MRPL48: variants seen among roughly 807,000 people sequenced by gnomAD.
The protein encoded by MRPL48 is mitochondrial ribosomal protein L48.
MRPL48 carries 16 observed loss-of-function variants against 32.9 expected under a neutral mutation model. The ratio of observed to expected loss-of-function variants is 0.49; its 90% confidence interval spans 0.33 to 0.74. The LOEUF (loss-of-function observed/expected upper bound fraction) is 0.74. Ranked by LOEUF, MRPL48 falls within the 30% of genes least tolerant of loss-of-function variation. The pLI is 0.02. For missense variants in MRPL48, 206 were observed against 245.3 expected (o/e 0.84, Z 1.07); for synonymous variants, 94 against 89.2 (o/e 1.05, Z -0.31).
At chr11:73,799,319 C>T (rs1218561311) in intron 1 of MRPL48, among the ~76,000 whole-genome samples, 2 of 151,896 alleles carry the variant, frequency 1.3e-5, no homozygotes, top group Admixed American at 1.3e-4. Context: ...GCCACTTTAC[C>T]CCAGCCTGGG....
intron 4 of MRPL48, among the ~76,000 whole-genome samples, chr11:73,841,717 T>G (rs933359504): frequency 6.6e-5 from 10 of 152,296 alleles, no homozygotes; most frequent in Admixed American, 1.3e-4. Context: ...TTTGTGAAAA[T>G]TCATTGAGGT....
chr11:73,837,998 C>G (rs562953032), intron 4 of MRPL48, among the ~76,000 whole-genome samples: 1 of 152,190 alleles, frequency 6.6e-6, no homozygotes, highest in African/African-American at 2.4e-5. Flanking sequence ...ACTACAGGCA[C>G]CCGCCACCAC....
At chr11:73,832,624 G>C (rs1447925858) in intron 4 of MRPL48, 1 of 159,070 alleles carries the variant, frequency 6.3e-6, no homozygotes, top group African/African-American at 2.4e-5. Flanking sequence ...TAGCCAGCCA[G>C]ATCAGCTGAA....
At chr11:73,845,000 G>T in intron 5 of MRPL48, 24 bp downstream of exon 5, 1 of 1,593,306 alleles carries the variant, frequency 6.3e-7, no homozygotes, top group Non-Finnish European at 8.6e-7. Flanking sequence ...TTTTGTATGG[G>T]ATGTTCTTGG....
chr11:73,794,206 A>T (rs1233841692), intron 1 of MRPL48, among the ~76,000 whole-genome samples: 1 of 150,822 alleles, frequency 6.6e-6, no homozygotes, highest in South Asian at 2.1e-4. Context: ...CTATCTATCT[A>T]TCTATCTATC....
At chr11:73,839,267 G>C (rs1304675719) in intron 4 of MRPL48, among the ~76,000 whole-genome samples, 1 of 152,168 alleles carries the variant, frequency 6.6e-6, no homozygotes, top group African/African-American at 2.4e-5. Context: ...AACCATTCCA[G>C]GTGCTCTGTT....
intron 4 of MRPL48, among the ~76,000 whole-genome samples, chr11:73,828,673 C>T (rs899930504): frequency 5.9e-5 from 9 of 151,530 alleles, no homozygotes; most frequent in East Asian, 1.9e-4. Flanking sequence ...TATTAAAATT[C>T]GGAAGGAATG....
chr11:73,792,317 C>T (rs1200295131), intron 1 of MRPL48, among the ~76,000 whole-genome samples: 3 of 152,128 alleles, frequency 2.0e-5, no homozygotes, highest in Non-Finnish European at 4.4e-5. Context: ...GAGTGTCATG[C>T]TCAGGTCTAG....
chr11:73,813,393 C>T (rs778924653), intron 3 of MRPL48, among the ~76,000 whole-genome samples: 4 of 151,988 alleles, frequency 2.6e-5, no homozygotes, highest in Non-Finnish European at 4.4e-5. Flanking sequence ...AGGCTGGTCT[C>T]TAACTCCTGA....
chr11:73,811,574 T>G (rs1453041583), intron 3 of MRPL48, among the ~76,000 whole-genome samples: 1 of 152,212 alleles, frequency 6.6e-6, no homozygotes, highest in African/African-American at 2.4e-5. Flanking sequence ...TGTCAGACTT[T>G]CATTGTCTTT....
chr11:73,801,244 A>G (rs944172523), intron 1 of MRPL48, among the ~76,000 whole-genome samples: 3 of 152,166 alleles, frequency 2.0e-5, no homozygotes, highest in Admixed American at 6.6e-5. Context: ...TCCCTCTTCT[A>G]TATGAAGTGA....
chr11:73,808,349 A>G lies in MRPL48; in HGVS notation c.111A>G (p.Val37=), dbSNP rs1395277742. 1 of 1,607,754 alleles carries G rather than the reference A, an allele frequency of 6.2e-7. No homozygotes were observed. The change falls in exon 3 of 8, where the codon GTA becomes GTG. Residue 37 remains valine (V), a splice_region_variant and synonymous_variant. Transcript: ENST00000310614. ...CAGGAGAGAAGCCCATCTATTCTGT[A>G]GGTAAGCAGTTTTTACCTGATGTAG... ...RTSGEKPIYS[V]GGILLSISRP...
intron 3 of MRPL48, among the ~76,000 whole-genome samples, chr11:73,812,155 G>A (rs1387492668): frequency 6.6e-6 from 1 of 152,060 alleles, no homozygotes; most frequent in African/African-American, 2.4e-5. Context: ...CAAAGTGCTG[G>A]GATTACAGGT....
At chr11:73,850,791 C>A (rs1948374890) in intron 5 of MRPL48, 1 of 220,712 alleles carries the variant, frequency 4.5e-6, no homozygotes, top group Non-Finnish European at 9.1e-6. Flanking sequence ...ATTCTCCTGC[C>A]TCAGCTTCCT....
At chr11:73,838,580 G>C (rs1293971957) in intron 4 of MRPL48, among the ~76,000 whole-genome samples, 1 of 152,150 alleles carries the variant, frequency 6.6e-6, no homozygotes, top group African/African-American at 2.4e-5. Flanking sequence ...ATTGCATTCT[G>C]ACTTCAGCAT....
chr11:73,787,955 C>A lies in MRPL48; in HGVS notation c.-17C>A. On this transcript the variant is annotated 5_prime_UTR_variant, in exon 1 of 8. Coordinates refer to ENST00000310614, the MANE Select transcript of MRPL48 (RefSeq NM_016055.6). ...GGTCTTCGGTTTGCACAGCTAGAGG[C>A]CGCGCAGCAGCAAAGGATGAGCGGA... 6.2e-7 allele frequency: 1 copy of A among 1,611,536 alleles called. No homozygotes were observed. Among genetic ancestry groups the A allele is most frequent in the Non-Finnish European group, 8.5e-7 (1 of 1,178,796 alleles).
intron 4 of MRPL48, among the ~76,000 whole-genome samples, chr11:73,835,508 T>C (rs778394603): frequency 1.3e-5 from 2 of 152,240 alleles, no homozygotes; most frequent in Non-Finnish European, 2.9e-5. Context: ...CTTCATTTCG[T>C]AAAATTTACT....
In MRPL48 at chr11:73,824,222, T is replaced by C. The variant is rs567710944; in HGVS notation, c.113-1486T>C. On this transcript the variant is annotated intron_variant, in intron 3 of 7. Transcript: ENST00000310614. Reference sequence around the variant, plus strand: ...GTTCTACACTTTTGGTTTTTGTTTTTGTTGTTGTTCACTTAACGATATTTG... The same window carrying C: ...GTTCTACACTTTTGGTTTTTGTTTTCGTTGTTGTTCACTTAACGATATTTG... Among the ~76,000 whole-genome samples, 15 of 152,268 alleles carry C rather than the reference T, an allele frequency of 9.9e-5. No homozygotes were observed. The East Asian group carries it at 2.9e-3, about 29-fold the overall frequency.
intron 6 of MRPL48, among the ~76,000 whole-genome samples, chr11:73,861,320 C>G (rs1447586409): frequency 1.3e-5 from 2 of 152,108 alleles, no homozygotes; most frequent in Non-Finnish European, 2.9e-5. Context: ...TTTTCCTCTT[C>G]ACAGCCCATT....
Sources: allele counts gnomAD v4.1 joint callset (sites outside exome capture counted in the v4.1 genomes callset), GRCh38; gene constraint gnomAD v4.1.1; transcripts MANE v1.5; gene names NCBI Gene and HGNC (gene_info 2026-07-23, HGNC 2026-07-21).